CCDC112: variants seen among roughly 807,000 people sequenced by gnomAD.
CCDC112 encodes the protein coiled-coil domain containing 112, also known as coiled-coil domain-containing protein 112.
In CCDC112, 40 loss-of-function variants were observed where a neutral mutation model predicts 66.3. The ratio of observed to expected loss-of-function variants is 0.60; its 90% CI spans 0.47 to 0.79. The LOEUF (loss-of-function observed/expected upper bound fraction) is 0.79. Ranked by LOEUF, CCDC112 falls within the 30% of genes least tolerant of loss-of-function variation. The pLI is 0.00. For missense variants in CCDC112, 659 were observed against 603.8 expected (o/e 1.09, Z -0.96); for synonymous variants, 214 against 197.2 (o/e 1.09, Z -0.71).
intron 1 of CCDC112, among the ~76,000 whole-genome samples, chr5:115,285,847 A>G (rs1749652051): frequency 6.6e-6 from 1 of 152,080 alleles, no homozygotes; most frequent in African/African-American, 2.4e-5. Context: ...GAGACAAGGA[A>G]TGACAGTGTC....
chr5:115,279,724 T>C lies in CCDC112; in HGVS notation c.284A>G (p.Gln95Arg). The change falls in exon 3 of 10, where the codon CAA becomes CGA. Residue 95 changes from glutamine to arginine, a missense_variant. Coordinates refer to ENST00000379611, the MANE Select transcript of CCDC112 (RefSeq NM_001040440.3). ...EKDKHSHFYN[Q>R]KSDFRIEHSM... The stretch of plus-strand genomic sequence containing the variant: ...ATGCTCAATTCTGAAGTCACTTTTT[T>C]GGTTGTAGAAATGACTGTGTTTATC... 6.3e-7 allele frequency: 1 copy of C among 1,585,900 alleles called. No individual in the cohort carries two copies. The highest frequency in any genetic ancestry group is 1.1e-5 in the South Asian group (1 of 90,410).
At chr5:115,280,622 A>C (rs1388866333) in intron 2 of CCDC112, 1 of 152,160 alleles carries the variant, frequency 6.6e-6, no homozygotes, top group Non-Finnish European at 1.5e-5. Context: ...GTGCCATCTC[A>C]GCTCACTGCA....
Position 115,296,414 on chromosome 5 carries a change from C to T in CCDC112, c.117+13G>A. The T allele has an allele frequency of 1.3e-6, 2 of 1,567,136 alleles. No homozygotes were observed. The highest frequency in any genetic ancestry group is 2.3e-5 in the South Asian group (2 of 88,282). On this transcript the variant is annotated intron_variant, in intron 1 of 9. Transcript: ENST00000379611. ...CCTGCCGCCAGAGCAGCTCTCGGTT[C>T]TCCCGGATTTACCTGTTGAGGCGCT...
In CCDC112 at chr5:115,287,270, T is replaced by C. The variant is rs566345842; in HGVS notation, c.118-2362A>G. 3.4e-4 allele frequency among the ~76,000 whole-genome samples: 52 copies of C among 152,318 alleles called. 1 individual carries two copies. The highest frequency in any genetic ancestry group is 1.2e-3 in the African/African-American group (51 of 41,584). ...CACAGTGGTTCTGATTAGTCCATAA[T>C]GACTAATGATGTTGAGCATTTTTTT... is the stretch of plus-strand genomic sequence containing the variant. On this transcript the variant is annotated intron_variant, in intron 1 of 9. Transcript: ENST00000379611.
intron 1 of CCDC112, among the ~76,000 whole-genome samples, chr5:115,293,797 T>C (rs1040416211): frequency 6.6e-6 from 1 of 152,140 alleles, no homozygotes; most frequent in Non-Finnish European, 1.5e-5. Flanking sequence ...TATTGAAGGG[T>C]TATTTCAGGC....
intron 7 of CCDC112, 22 bp from the exon 8 acceptor site, chr5:115,269,820 C>A (rs765514895): frequency 1.8e-5 from 25 of 1,403,784 alleles, no homozygotes; most frequent in African/African-American, 2.9e-5. Context: ...AAACCCATAG[C>A]ATTAAGAAAG....
intron 6 of CCDC112, among the ~76,000 whole-genome samples, chr5:115,274,968 C>G (rs1749141396): frequency 6.6e-6 from 1 of 152,128 alleles, no homozygotes; most frequent in Non-Finnish European, 1.5e-5. Flanking sequence ...GTCTCAAACT[C>G]CTGAGCTCAA....
intron 2 of CCDC112, among the ~76,000 whole-genome samples, chr5:115,284,495 C>G (rs1448246907): frequency 6.6e-6 from 1 of 152,056 alleles, no homozygotes; most frequent in East Asian, 1.9e-4. Flanking sequence ...TAGATTAAGT[C>G]TGTTATTCGT....
intron 7 of CCDC112, 109 bp downstream of exon 7, chr5:115,271,104 G>T: frequency 1.0e-6 from 1 of 957,084 alleles, no homozygotes; most frequent in Non-Finnish European, 1.6e-6. Context: ...GTATACTAAT[G>T]CTATACACAG....
At chr5:115,269,377 G>A (rs571438196) in intron 8 of CCDC112, among the ~76,000 whole-genome samples, 49 of 152,216 alleles carry the variant, frequency 3.2e-4, no homozygotes, top group Non-Finnish European at 6.5e-4. Context: ...TTAGCTCTGA[G>A]TACTGCAAGA....
chr5:115,270,703 C>A (rs1241031042), intron 7 of CCDC112, among the ~76,000 whole-genome samples: 1 of 152,156 alleles, frequency 6.6e-6, no homozygotes, highest in African/African-American at 2.4e-5. Flanking sequence ...GCAGAGAAGA[C>A]AAATCATTCA....
At chr5:115,276,886 A>G in intron 4 of CCDC112, 79 bp downstream of exon 4, 1 of 873,104 alleles carries the variant, frequency 1.1e-6, no homozygotes, top group Admixed American at 2.2e-5. Flanking sequence ...CCTAACCAAT[A>G]AAGTAGAGTT....
Position 115,296,260 on chromosome 5 carries a change from C to G in CCDC112, c.117+167G>C, listed in dbSNP as rs1580814598. 12 of 1,301,536 alleles carry G rather than the reference C, an allele frequency of 9.2e-6. No individual in the cohort carries two copies. In the East Asian group the frequency reaches 3.8e-4, roughly 41 times the overall value. The allele number at this position is 1,301,536 out of a possible 1,614,324, so 80.6% of individuals were successfully genotyped here. A position where few individuals can be genotyped will look rare whatever the true frequency, so the allele number is the denominator to read the frequency against. ...CCACATGGAGGCGGCTCTGCAAAAG[C>G]TGTTAAACGCACAAGCCAACAAAGA... is the stretch of plus-strand genomic sequence containing the variant. On this transcript the variant is annotated intron_variant, in intron 1 of 9. Coordinates refer to ENST00000379611, the MANE Select transcript of CCDC112 (RefSeq NM_001040440.3).
chr5:115,287,956 A>G (rs1749750426), intron 1 of CCDC112, among the ~76,000 whole-genome samples: 1 of 151,960 alleles, frequency 6.6e-6, no homozygotes, highest in African/African-American at 2.4e-5. Flanking sequence ...ACAATTTTTA[A>G]CACAGGTACC....
chr5:115,279,226 C>T (rs1325441744), intron 3 of CCDC112, among the ~76,000 whole-genome samples: 1 of 152,148 alleles, frequency 6.6e-6, no homozygotes, highest in Non-Finnish European at 1.5e-5. Context: ...CTTCACACAA[C>T]TGCTAATTAT....
At chr5:115,278,954 T>A (rs1749325270) in intron 3 of CCDC112, among the ~76,000 whole-genome samples, 1 of 152,176 alleles carries the variant, frequency 6.6e-6, no homozygotes, top group African/African-American at 2.4e-5. Context: ...TTTTTTATTA[T>A]AAAGATTTTA....
chr5:115,287,906 G>C (rs180888782), intron 1 of CCDC112, among the ~76,000 whole-genome samples: 44 of 151,170 alleles, frequency 2.9e-4, no homozygotes, highest in African/African-American at 9.7e-4. Context: ...GATTTTATTG[G>C]TTGTGTTGAA....
intron 1 of CCDC112, among the ~76,000 whole-genome samples, chr5:115,286,828 T>TC (rs1413238009): frequency 6.6e-6 from 1 of 151,878 alleles, no homozygotes; most frequent in Non-Finnish European, 1.5e-5. Context: ...GGTGGGAGGA[T>TC]CACTTGAGTC....
intron 1 of CCDC112, among the ~76,000 whole-genome samples, chr5:115,295,339 T>A (rs988529117): frequency 2.0e-5 from 3 of 152,186 alleles, no homozygotes; most frequent in Admixed American, 6.5e-5. Flanking sequence ...GTGTCACACA[T>A]TTTTTTGAGC....
Sources: gnomAD v4.1 joint callset for allele counts (sites outside exome capture counted in the v4.1 genomes callset) on GRCh38, gnomAD v4.1.1 for gene constraint, MANE v1.5 for transcripts, NCBI Gene and HGNC (gene_info 2026-07-23, HGNC 2026-07-21) for gene names.